The following OTULIN variants were observed in gnomAD, a reference collection of about 807,000 sequenced individuals.
The protein encoded by OTULIN is ubiquitin thioesterase otulin.
In OTULIN, 15 loss-of-function variants were observed where a neutral mutation model predicts 39.6. That is an observed-to-expected ratio of 0.38 (90% CI 0.25 to 0.58). The LOEUF (loss-of-function observed/expected upper bound fraction) is 0.58, where lower values mean the gene tolerates loss of function less well. Ranked by LOEUF, OTULIN falls within the 20% of genes least tolerant of loss-of-function variation. The pLI, the probability that OTULIN is intolerant of heterozygous loss-of-function variation, is 0.66. For synonymous variants in OTULIN, 156 were observed against 170.3 expected, an observed-to-expected ratio of 0.92 and a Z score of 0.65; for missense variants, 319 against 445.9, an observed-to-expected ratio of 0.72 and a Z score of 2.56.
At chr5:14,708,425 C>T in the OTULIN span, 1 of 152,210 alleles carries the variant, frequency 6.6e-6, no homozygotes, top group African/African-American at 2.4e-5. Flanking sequence ...ATGCAGCTGT[C>T]AGCTGAATGC....
At chr5:14,678,928 A>T (rs1346100592) in intron 3 of OTULIN, among the ~76,000 whole-genome samples, 153 bp downstream of exon 3, 1 of 151,424 alleles carries the variant, frequency 6.6e-6, no homozygotes, top group African/African-American at 2.4e-5. Context: ...AATAGACTCC[A>T]AAGATAAGGG....
chr5:14,701,089 C>T (rs1736787747), downstream of OTULIN, among the ~76,000 whole-genome samples: 1 of 152,202 alleles, frequency 6.6e-6, no homozygotes, highest in African/African-American at 2.4e-5. Flanking sequence ...TTCCTGGGCT[C>T]AGCCAGGGCT....
intron 1 of OTULIN, among the ~76,000 whole-genome samples, chr5:14,665,220 C>G (rs1280970650): frequency 1.3e-5 from 2 of 152,252 alleles, no homozygotes; most frequent in African/African-American, 2.4e-5. Context: ...TTTTTGATAT[C>G]TGCATGTCTG....
rs57078881 is a variant in OTULIN, at chr5:14,674,307, C to T, written c.229+589C>T. On this transcript the variant is annotated intron_variant, in intron 2 of 6. Transcript: ENST00000284274. Reference sequence around the variant, plus strand: ...ACTTGGCTGGCAAAGTTGCATGTGACGTACATCCTTAGTTCCCTGAGTGGC... The same window carrying T: ...ACTTGGCTGGCAAAGTTGCATGTGATGTACATCCTTAGTTCCCTGAGTGGC... Among the ~76,000 whole-genome samples the T allele has an allele frequency of 4.8e-3, 724 of 152,338 alleles. 6 individuals are homozygous for T. The highest frequency in any genetic ancestry group is 0.015 in the African/African-American group (637 of 41,572).
At chr5:14,679,232 GC>G (rs1736184324) in intron 3 of OTULIN, among the ~76,000 whole-genome samples, 1 of 152,154 alleles carries the variant, frequency 6.6e-6, no homozygotes, top group Admixed American at 6.5e-5. Context: ...ATCAGGAACT[GC>G]TCCCTTCAAG....
chr5:14,687,554 A>G lies in OTULIN; in HGVS notation c.502A>G (p.Ile168Val), dbSNP rs1323707301. The change falls in exon 5 of 7, where the codon ATC becomes GTC. Residue 168 changes from isoleucine to valine, a missense_variant. Transcript: ENST00000284274. Reference sequence around the variant, plus strand: ...AAAACTCATAAGCAAATACAACTGGATCAAGCAATGGAAACTTGGACTGAA... The same window carrying G: ...AAAACTCATAAGCAAATACAACTGGGTCAAGCAATGGAAACTTGGACTGAA... Reference protein sequence around the residue: ...PEKLISKYNWIKQWKLGLKFD... With the variant: ...PEKLISKYNWVKQWKLGLKFD... 1 of 1,614,068 alleles carries G rather than the reference A, an allele frequency of 6.2e-7. No individual in the cohort carries two copies. The highest frequency in any genetic ancestry group is 8.5e-7 in the Non-Finnish European group (1 of 1,179,986).
the OTULIN span, among the ~76,000 whole-genome samples, chr5:14,715,793 T>C: frequency 6.6e-6 from 1 of 152,248 alleles, no homozygotes; most frequent in African/African-American, 2.4e-5. Flanking sequence ...TGATTTAATC[T>C]AGAACAACCT....
At chr5:14,711,054 A>G in the OTULIN span, 3 of 767,934 alleles carry the variant, frequency 3.9e-6, no homozygotes, top group Non-Finnish European at 4.6e-6. Flanking sequence ...TAGAGAATTG[A>G]CACGAAACCT....
intron 1 of OTULIN, among the ~76,000 whole-genome samples, chr5:14,665,844 CAT>C: frequency 6.6e-6 from 1 of 152,272 alleles, no homozygotes; most frequent in Middle Eastern, 3.4e-3. Context: ...GTTATAATAA[CAT>C]ATTTGCATAG....
intron 1 of OTULIN, among the ~76,000 whole-genome samples, chr5:14,670,734 A>AG (rs1340451951): frequency 6.6e-6 from 1 of 151,106 alleles, no homozygotes; most frequent in African/African-American, 2.4e-5. Context: ...CCTCCTTTCT[A>AG]GGGGGGATTA....
chr5:14,707,537 G>T, the OTULIN span: 2 of 152,146 alleles, frequency 1.3e-5, no homozygotes, highest in African/African-American at 2.4e-5. Flanking sequence ...CAGAGGGCTG[G>T]GAGTGAGCAC....
intron 3 of OTULIN, among the ~76,000 whole-genome samples, chr5:14,680,673 C>T (rs1309187407): frequency 6.6e-6 from 1 of 152,170 alleles, no homozygotes; most frequent in African/African-American, 2.4e-5. Flanking sequence ...CAGAATGGTC[C>T]ATTGGATGGC....
chr5:14,690,015 TA>T lies in OTULIN; in HGVS notation c.595-23del. On this transcript the variant is annotated intron_variant, in intron 5 of 6. Coordinates refer to ENST00000284274, the MANE Select transcript of OTULIN (RefSeq NM_138348.6). This position sits in a 1 kb window ranked among gnomAD's most constrained non-coding sequence, Gnocchi z 4.5. ...GGATTTTTAGAACAAAAATTCTAAT[TA>T]TTACATAACTTTCTTATTGTAGTGG... 6.3e-7 allele frequency: 1 copy of T among 1,596,612 alleles called. No homozygotes were observed. Among genetic ancestry groups the T allele is most frequent in the Non-Finnish European group, 8.5e-7 (1 of 1,172,012 alleles).
chr5:14,681,655 T>G, intron 4 of OTULIN, 48 bp downstream of exon 4: 1 of 1,566,854 alleles, frequency 6.4e-7, no homozygotes. Context: ...AAACAATTTT[T>G]GTGAGAAAAC....
At chr5:14,692,396 C>G (rs1225239194) in intron 6 of OTULIN, among the ~76,000 whole-genome samples, 1 of 152,174 alleles carries the variant, frequency 6.6e-6, no homozygotes, top group African/African-American at 2.4e-5. Flanking sequence ...CAGCCATTCC[C>G]CATTATCATC....
intron 4 of OTULIN, among the ~76,000 whole-genome samples, chr5:14,686,077 G>A (rs1229613905): frequency 1.3e-5 from 2 of 152,066 alleles, no homozygotes; most frequent in Non-Finnish European, 2.9e-5. Flanking sequence ...CCATCACTGT[G>A]GTCACAGTGA....
intron 2 of OTULIN, among the ~76,000 whole-genome samples, chr5:14,677,862 A>G (rs145858118): frequency 2.9e-3 from 438 of 152,318 alleles, no homozygotes; most frequent in African/African-American, 1.0e-2. Context: ...AAAACTGATT[A>G]CTCATTGTTA....
chr5:14,701,798 T>C (rs1382413333), downstream of OTULIN, among the ~76,000 whole-genome samples: 4 of 152,066 alleles, frequency 2.6e-5, no homozygotes, highest in African/African-American at 7.2e-5. Context: ...AGCTCAGGCG[T>C]AAGCTGGTGC....
the OTULIN span, chr5:14,713,604 G>T: frequency 6.2e-7 from 1 of 1,614,196 alleles, no homozygotes; most frequent in Non-Finnish European, 8.5e-7. The surrounding 1 kb of genome is among the most constrained non-coding windows in gnomAD (Gnocchi z 4.4). Context: ...CACAGAGCTG[G>T]GGGCAAGGAC....
Sources: gnomAD v4.1 joint callset for allele counts (sites outside exome capture counted in the v4.1 genomes callset) on GRCh38, gnomAD v4.1.1 for gene constraint, Gnocchi (gnomAD v3.1) non-coding constraint, MANE v1.5 for transcripts, NCBI Gene and HGNC (gene_info 2026-07-23, HGNC 2026-07-21) for gene names.